The following MSL2 variants were observed in gnomAD, a reference collection of about 807,000 sequenced individuals.
The protein encoded by MSL2 is MSL complex subunit 2, also known as E3 ubiquitin-protein ligase MSL2.
A neutral mutation model predicts 35.8 loss-of-function variants in MSL2; 2 were observed. That is an observed-to-expected ratio of 0.06 (90% CI 0.02 to 0.18). The LOEUF (loss-of-function observed/expected upper bound fraction) is 0.18. Among genes scored for constraint, MSL2 ranks in the 10% least tolerant of loss-of-function variants. The pLI is 1.00. For synonymous variants in MSL2, 296 were observed against 255.7 expected (o/e 1.16, Z -1.50); for missense variants, 523 against 706.7 (o/e 0.74, Z 2.95).
At chr3:136,180,796 G>GGAA (rs1559969247) in intron 1 of MSL2, among the ~76,000 whole-genome samples, 466 of 42,814 alleles carry the variant, frequency 0.011, 9 homozygotes, top group African/African-American at 0.03. Flanking sequence ...GAGGGAGGGA[G>GGAA]GGAGGGAGGG....
intron 1 of MSL2, among the ~76,000 whole-genome samples, chr3:136,185,037 G>C (rs1209388907): frequency 6.6e-6 from 1 of 151,828 alleles, no homozygotes; most frequent in African/African-American, 2.4e-5. Flanking sequence ...TACAGTGGCA[G>C]GATCTCAGTT....
chr3:136,154,869 C>A (rs1182009148), intron 1 of MSL2, among the ~76,000 whole-genome samples: 1 of 152,092 alleles, frequency 6.6e-6, no homozygotes, highest in Non-Finnish European at 1.5e-5. Flanking sequence ...CCAGCTTGGG[C>A]AAGACAGCAA....
intron 1 of MSL2, 148 bp from the exon 2 acceptor site, chr3:136,152,886 A>C: frequency 7.0e-7 from 1 of 1,433,944 alleles, no homozygotes; most frequent in Non-Finnish European, 9.1e-7. Context: ...CTTAGAAGAA[A>C]CGGAAGAATC....
intron 1 of MSL2, among the ~76,000 whole-genome samples, chr3:136,187,632 T>C (rs1291505303): frequency 6.6e-6 from 1 of 151,564 alleles, no homozygotes; most frequent in Non-Finnish European, 1.5e-5. Context: ...ATCACACCAC[T>C]GCACTCCAGC....
At chr3:136,175,932 C>A (rs552793775) in intron 1 of MSL2, among the ~76,000 whole-genome samples, 1 of 152,226 alleles carries the variant, frequency 6.6e-6, no homozygotes, top group East Asian at 1.9e-4. Context: ...GCAAGGCATT[C>A]TCAAACCTTT....
At chr3:136,181,925 T>A (rs1214356897) in intron 1 of MSL2, among the ~76,000 whole-genome samples, 1 of 15,320 alleles carries the variant, frequency 6.5e-5, no homozygotes, top group Non-Finnish European at 1.7e-4. Context: ...TCTCAAAAAA[T>A]AAATAAATAA....
intron 1 of MSL2, among the ~76,000 whole-genome samples, chr3:136,186,887 A>G (rs575993329): frequency 6.6e-6 from 1 of 152,338 alleles, no homozygotes; most frequent in South Asian, 2.1e-4. Context: ...CCAAAAAGGT[A>G]GGGAACTGCC....
In MSL2 at chr3:136,151,003, C is replaced by G. The variant is rs1293827605; in HGVS notation, c.*144G>C. On this transcript the variant is annotated 3_prime_UTR_variant, in exon 2 of 2. Transcript: ENST00000309993. The surrounding 1 kb of genome is among the most constrained non-coding windows in gnomAD (Gnocchi z 5.2). ...TTATCTGCAAACTATTTCCCCGACA[C>G]TAACACATATAACTTAGCAATGAAA... 4.5e-6 allele frequency: 4 copies of G among 879,782 alleles called. No individual in the cohort carries two copies. Among genetic ancestry groups the G allele is most frequent in the Non-Finnish European group, 5.3e-6 (3 of 567,740 alleles). The allele number at this position is 879,782 out of a possible 1,614,324, so 54.5% of individuals were successfully genotyped here. A position where few individuals can be genotyped will look rare whatever the true frequency, so the allele number is the denominator to read the frequency against.
At chr3:136,153,064 G>C in intron 1 of MSL2, 1 of 985,344 alleles carries the variant, frequency 1.0e-6, no homozygotes, top group Non-Finnish European at 1.2e-6. Context: ...GACACCAGAA[G>C]CACAAACTAG....
chr3:136,190,886 T>C (rs1180771632), intron 1 of MSL2, among the ~76,000 whole-genome samples: 1 of 152,214 alleles, frequency 6.6e-6, no homozygotes, highest in Non-Finnish European at 1.5e-5. Flanking sequence ...GCCTAGAAAG[T>C]ACAGTAATTC....
chr3:136,172,019 G>A (rs573681004), intron 1 of MSL2, among the ~76,000 whole-genome samples: 6 of 152,170 alleles, frequency 3.9e-5, no homozygotes, highest in South Asian at 2.1e-4. Flanking sequence ...AGCCTTCTGC[G>A]TAGGTGGGAC....
At chr3:136,191,557 A>G (rs893595975) in intron 1 of MSL2, among the ~76,000 whole-genome samples, 2 of 151,964 alleles carry the variant, frequency 1.3e-5, no homozygotes, top group African/African-American at 2.4e-5. Flanking sequence ...AGGCACAAGG[A>G]TAGTTTGAGC....
Position 136,195,764 on chromosome 3 carries a change from CG to C in MSL2, c.-652del. Reference sequence around the variant, plus strand: ...CAGACTGCGCCCTGGCTCTCCGCCCCGTGGGTTGCAGCCCGCAGTTCCCCGA... The same window carrying C: ...CAGACTGCGCCCTGGCTCTCCGCCCCTGGGTTGCAGCCCGCAGTTCCCCGA... On this transcript the variant is annotated 5_prime_UTR_variant, in exon 1 of 2. Coordinates refer to ENST00000309993, the MANE Select transcript of MSL2 (RefSeq NM_018133.4). The C allele has an allele frequency of 1.0e-6, 1 of 985,244 alleles. No homozygotes were observed. The highest frequency in any genetic ancestry group is 1.2e-6 in the Non-Finnish European group (1 of 829,884). 61.0% of individuals were successfully genotyped at this position (985,244 alleles called of 1,614,324 possible).
chr3:136,188,903 T>C (rs748989481), intron 1 of MSL2, among the ~76,000 whole-genome samples: 3 of 151,570 alleles, frequency 2.0e-5, no homozygotes, highest in Admixed American at 6.6e-5. Flanking sequence ...TATCATAAGA[T>C]GAAGGGCTGC....
Position 136,151,719 on chromosome 3 carries a change from C to T in MSL2, c.1162G>A (p.Val388Ile). 1 of 1,614,126 alleles carries T rather than the reference C, an allele frequency of 6.2e-7. No individual in the cohort carries two copies. Among genetic ancestry groups the T allele is most frequent in the Non-Finnish European group, 8.5e-7 (1 of 1,180,016 alleles). Residue 388 changes from valine (V) to isoleucine (I), a missense_variant, in exon 2 of 2, where the codon GTT becomes ATT. By Grantham distance (29) the Val-to-Ile change is conservative (BLOSUM62 3). This residue lies in a region of MSL2 where 361 missense variants were observed against 414.6 expected (regional missense o/e 0.87). Transcript: ENST00000309993. The surrounding 1 kb of genome is among the most constrained non-coding windows in gnomAD (Gnocchi z 5.2). ...TTAGGTGTTGTGCCTCCATTGGGAACAGTTGCTATAGGTTGAAGAGAAATT... is the reference window on the plus strand; with the variant it reads ...TTAGGTGTTGTGCCTCCATTGGGAATAGTTGCTATAGGTTGAAGAGAAATT... ...SKISLQPIAT[V>I]PNGGTTPKIS...
chr3:136,193,538 G>A (rs550551467), intron 1 of MSL2, among the ~76,000 whole-genome samples: 1 of 151,518 alleles, frequency 6.6e-6, no homozygotes, highest in East Asian at 1.9e-4. Flanking sequence ...AGTTATGGCA[G>A]CTCCATTTCC....
At position 136,150,853 on chromosome 3, in the gene MSL2, C is replaced by CT; in HGVS notation, c.*293_*294insA. 1 of 321,518 alleles carries CT rather than the reference C, an allele frequency of 3.1e-6. No individual in the cohort carries two copies. The highest frequency in any genetic ancestry group is 6.2e-5 in the South Asian group (1 of 16,252). 19.9% of individuals were successfully genotyped at this position (321,518 alleles called of 1,614,324 possible). A position where few individuals can be genotyped will look rare whatever the true frequency, so the allele number is the denominator to read the frequency against. On this transcript the variant is annotated 3_prime_UTR_variant, in exon 2 of 2. Transcript: ENST00000309993. ...ATTATGCACAAAGCATGGCCATAAA[C>CT]AATGAGGTTAATGTTATTTTTCTTG...
intron 1 of MSL2, among the ~76,000 whole-genome samples, chr3:136,193,514 T>C (rs1270135974): frequency 6.7e-6 from 1 of 148,964 alleles, no homozygotes; most frequent in Non-Finnish European, 1.5e-5. Flanking sequence ...AAAAAAAAAG[T>C]ATATGGAGAA....
intron 1 of MSL2, among the ~76,000 whole-genome samples, chr3:136,185,690 G>C (rs1205682711): frequency 6.6e-6 from 1 of 151,788 alleles, no homozygotes; most frequent in African/African-American, 2.4e-5. Context: ...ATTTTTAGTA[G>C]AGACAGGGTT....
Sources: gnomAD v4.1 joint callset for allele counts (sites outside exome capture counted in the v4.1 genomes callset) on GRCh38, gnomAD v4.1.1 for gene constraint, gnomAD v4.1.1 regional missense constraint, Gnocchi (gnomAD v3.1) non-coding constraint, MANE v1.5 for transcripts, NCBI Gene and HGNC (gene_info 2026-07-23, HGNC 2026-07-21) for gene names.